The following SLC10A7 variants were observed in gnomAD, a reference collection of about 807,000 sequenced individuals.
The protein encoded by SLC10A7 is solute carrier family 10 member 7, also known as sodium/bile acid cotransporter 7.
A neutral mutation model predicts 43.2 loss-of-function variants in SLC10A7; 29 were observed. The ratio of observed to expected loss-of-function variants is 0.67; its 90% confidence interval spans 0.50 to 0.92. SLC10A7 has a LOEUF of 0.92. Ranked by LOEUF, SLC10A7 falls within the 40% of genes least tolerant of loss-of-function variation. The probability of loss-of-function intolerance (pLI) is 0.00; values close to 1 mark genes in which losing one functional copy is unlikely to be tolerated. For synonymous variants in SLC10A7, 152 were observed against 144.8 expected, an observed-to-expected ratio of 1.05 and a Z score of -0.35; for missense variants, 295 against 403.2, an observed-to-expected ratio of 0.73 and a Z score of 2.30.
intron 6 of SLC10A7, among the ~76,000 whole-genome samples, chr4:146,315,855 AGTCAG>A (rs564668712): frequency 4.4e-4 from 67 of 152,288 alleles, no homozygotes; most frequent in African/African-American, 1.5e-3. Context: ...AGATGTTATG[AGTCAG>A]GTTGAGTTCC....
chr4:146,452,884 G>T (rs771872809), intron 4 of SLC10A7, among the ~76,000 whole-genome samples: 6 of 151,846 alleles, frequency 4.0e-5, no homozygotes, highest in Non-Finnish European at 4.4e-5. Flanking sequence ...AACAAAGAAA[G>T]CTAAATGAAG....
At chr4:146,456,103 A>C (rs4835038) in intron 4 of SLC10A7, among the ~76,000 whole-genome samples, 36,967 of 151,684 alleles carry the variant, frequency 0.24, 4,588 homozygotes, top group South Asian at 0.34. Context: ...CATAATTCCA[A>C]AGGCACAAGA....
intron 4 of SLC10A7, among the ~76,000 whole-genome samples, chr4:146,472,580 A>G (rs1182889136): frequency 6.6e-6 from 1 of 152,086 alleles, no homozygotes; most frequent in Non-Finnish European, 1.5e-5. Flanking sequence ...CATTAACATA[A>G]TAATCCAACT....
intron 4 of SLC10A7, among the ~76,000 whole-genome samples, chr4:146,467,993 G>T (rs1413240118): frequency 6.6e-6 from 1 of 152,318 alleles, no homozygotes; most frequent in East Asian, 1.9e-4. Flanking sequence ...GGAGAAGAGA[G>T]ATATTACAGT....
At position 146,438,565 on chromosome 4, in the gene SLC10A7, A is replaced by G. The variant is rs537607982; in HGVS notation, c.435+4218T>C. On this transcript the variant is annotated intron_variant, in intron 5 of 11. Transcript: ENST00000335472. ...ATCATTATTAAAAACCCAGTTTGGC[A>G]TGATCAGCTTGTCACTCATTAGCAT... Among the ~76,000 whole-genome samples, 11 of 152,200 alleles carry G rather than the reference A, an allele frequency of 7.2e-5. No individual in the cohort carries two copies. The East Asian group carries it at 1.9e-3, about 27-fold the overall frequency.
chr4:146,294,083 A>G lies in SLC10A7; in HGVS notation c.568T>C (p.Tyr190His), dbSNP rs754583267. The change falls in exon 8 of 12, where the codon TAC becomes CAC. Residue 190 changes from tyrosine to histidine, a missense_variant. Coordinates refer to ENST00000335472, the MANE Select transcript of SLC10A7 (RefSeq NM_001029998.6). ...PLIIGQIVRR[Y>H]IKDWLERKKP... ...TTTCTCTCAAGCCAATCCTTGATGTATCTTCGGACAATCTGAAATACAGAG... is the reference window on the plus strand; with the variant it reads ...TTTCTCTCAAGCCAATCCTTGATGTGTCTTCGGACAATCTGAAATACAGAG... 1.0e-5 allele frequency: 16 copies of G among 1,602,976 alleles called. No homozygotes were observed. Among genetic ancestry groups the G allele is most frequent in the South Asian group, 3.4e-5 (3 of 88,924 alleles).
In SLC10A7 at chr4:146,315,088, AACT is replaced by A. The variant is rs542170350; in HGVS notation, c.472-9082_472-9080del. Among the ~76,000 whole-genome samples the A allele has an allele frequency of 2.0e-5, 3 of 152,226 alleles. No homozygotes were observed. The South Asian group carries it at 6.2e-4, about 32-fold the overall frequency. On this transcript the variant is annotated intron_variant, in intron 6 of 11. Coordinates refer to ENST00000335472, the MANE Select transcript of SLC10A7 (RefSeq NM_001029998.6). ...TGTAGTTGGGGAGAAAGTATAAGTT[AACT>A]ACTACGGAGACTGGTAGTCATATGG...
chr4:146,375,545 G>A (rs1737132118), intron 5 of SLC10A7, among the ~76,000 whole-genome samples: 1 of 152,100 alleles, frequency 6.6e-6, no homozygotes, highest in Non-Finnish European at 1.5e-5. Flanking sequence ...TAACGTATAA[G>A]CATTAACCTA....
chr4:146,417,658 T>A (rs771288187), intron 5 of SLC10A7, among the ~76,000 whole-genome samples: 8 of 152,208 alleles, frequency 5.3e-5, no homozygotes, highest in Non-Finnish European at 1.2e-4. Flanking sequence ...TGAAATAAAC[T>A]GTACTTTTAG....
intron 5 of SLC10A7, among the ~76,000 whole-genome samples, chr4:146,355,537 G>T (rs1735520504): frequency 6.6e-6 from 1 of 151,374 alleles, no homozygotes; most frequent in Non-Finnish European, 1.5e-5. Context: ...TCCCATTACT[G>T]GGTATATACC....
chr4:146,401,395 C>T (rs890261530), intron 5 of SLC10A7, among the ~76,000 whole-genome samples: 1 of 152,102 alleles, frequency 6.6e-6, no homozygotes, highest in South Asian at 2.1e-4. Context: ...AAAGGAGAGG[C>T]CAGATATGAA....
At position 146,292,999 on chromosome 4, in the gene SLC10A7, A is replaced by C; in HGVS notation, c.722-19T>G. On this transcript the variant is annotated intron_variant, in intron 8 of 11. Transcript: ENST00000335472. ...GAAAATACTGAAGAAAAAAAGATTG[A>C]ATCTAAATTAGCACTCTAAAAGCAG... is the stretch of plus-strand genomic sequence containing the variant. 1 of 1,500,122 alleles carries C rather than the reference A, an allele frequency of 6.7e-7. No homozygotes were observed. Among genetic ancestry groups the C allele is most frequent in the Non-Finnish European group, 9.2e-7 (1 of 1,085,600 alleles). The allele number at this position is 1,500,122 out of a possible 1,614,324, so 92.9% of individuals were successfully genotyped here. A position where few individuals can be genotyped will look rare whatever the true frequency, so the allele number is the denominator to read the frequency against.
chr4:146,311,333 T>C (rs1731965141), intron 6 of SLC10A7, among the ~76,000 whole-genome samples: 1 of 152,160 alleles, frequency 6.6e-6, no homozygotes, highest in African/African-American at 2.4e-5. Context: ...AGAATCACAG[T>C]TATCAACCTA....
chr4:146,304,806 G>T (rs564749899), intron 7 of SLC10A7, among the ~76,000 whole-genome samples: 6 of 152,058 alleles, frequency 3.9e-5, no homozygotes, highest in African/African-American at 1.4e-4. Context: ...GGGTATCCTT[G>T]TTGACTTTCT....
At chr4:146,361,949 C>T (rs532206246) in intron 5 of SLC10A7, among the ~76,000 whole-genome samples, 12 of 151,660 alleles carry the variant, frequency 7.9e-5, no homozygotes, top group African/African-American at 9.7e-5. Context: ...ATTGACAAAC[C>T]GAAAAATGTA....
intron 4 of SLC10A7, among the ~76,000 whole-genome samples, chr4:146,490,102 A>G (rs2150003146): frequency 6.6e-6 from 1 of 152,244 alleles, no homozygotes; most frequent in East Asian, 1.9e-4. Context: ...CTAACTGGGT[A>G]TGGTACATTA....
At chr4:146,287,151 C>CGTGTATGGAGTGGTGAGAAGGACT (rs1730076491) in intron 9 of SLC10A7, among the ~76,000 whole-genome samples, 1 of 117,622 alleles carries the variant, frequency 8.5e-6, no homozygotes, top group African/African-American at 3.3e-5. Flanking sequence ...TGAGAAGGAC[C>CGTGTATGGAGTGGTGAGAAGGACT]GTGTCTGGAG....
At chr4:146,348,693 C>T (rs565130868) in intron 5 of SLC10A7, among the ~76,000 whole-genome samples, 2 of 152,218 alleles carry the variant, frequency 1.3e-5, no homozygotes, top group Admixed American at 1.3e-4. Context: ...TTTCCTGAAC[C>T]ACACATTCTT....
chr4:146,306,123 A>G lies in SLC10A7; in HGVS notation c.472-114T>C, dbSNP rs913116728. 17 of 680,396 alleles carry G rather than the reference A, an allele frequency of 2.5e-5. No individual in the cohort carries two copies. The African/African-American group carries it at 3.0e-4, about 12-fold the overall frequency. The allele number at this position is 680,396 out of a possible 1,614,324, so 42.1% of individuals were successfully genotyped here. On this transcript the variant is annotated intron_variant, in intron 6 of 11. Coordinates refer to ENST00000335472, the MANE Select transcript of SLC10A7 (RefSeq NM_001029998.6). The stretch of plus-strand genomic sequence containing the variant: ...CAGGCGCACCAAAAATTTGGTAGCT[A>G]TCTACAAAGAATAAGTGAAGTTACC...
Sources: allele counts gnomAD v4.1 joint callset (sites outside exome capture counted in the v4.1 genomes callset), GRCh38; gene constraint gnomAD v4.1.1; transcripts MANE v1.5; gene names NCBI Gene and HGNC (gene_info 2026-07-23, HGNC 2026-07-21).